Variants in MAGI1 observed in about 807,000 individuals in gnomAD.
MAGI1 encodes the protein membrane associated guanylate kinase, WW and PDZ domain containing 1.
MAGI1 carries 58 observed loss-of-function variants against 139.9 expected under a neutral mutation model. The ratio of observed to expected loss-of-function variants is 0.41; its 90% CI spans 0.34 to 0.52. The LOEUF (loss-of-function observed/expected upper bound fraction) is 0.52, where lower values mean the gene tolerates loss of function less well. Among genes scored for constraint, MAGI1 ranks in the 20% least tolerant of loss-of-function variants. The probability of loss-of-function intolerance (pLI) is 0.12; values close to 1 mark genes in which losing one functional copy is unlikely to be tolerated. For synonymous variants in MAGI1, 812 were observed against 737.9 expected, an observed-to-expected ratio of 1.10 and a Z score of -1.63; for missense variants, 1,874 against 1,901.6, an observed-to-expected ratio of 0.99 and a Z score of 0.27.
At chr3:65,814,944 G>C (rs2041506721) in intron 1 of MAGI1, among the ~76,000 whole-genome samples, 1 of 152,160 alleles carries the variant, frequency 6.6e-6, no homozygotes, top group African/African-American at 2.4e-5. Flanking sequence ...GAGAGGAAAA[G>C]GATGAATGAA....
At chr3:65,467,392 C>T (rs929023076) in intron 5 of MAGI1, among the ~76,000 whole-genome samples, 8 of 151,934 alleles carry the variant, frequency 5.3e-5, no homozygotes, top group Admixed American at 2.0e-4. Flanking sequence ...AGAAGTGTTT[C>T]GGAATGAAAA....
At chr3:65,503,899 C>T (rs1360414146) in intron 2 of MAGI1, among the ~76,000 whole-genome samples, 1 of 152,146 alleles carries the variant, frequency 6.6e-6, no homozygotes, top group Non-Finnish European at 1.5e-5. Context: ...CTATTCAAAC[C>T]GTCCATGTAT....
intron 4 of MAGI1, among the ~76,000 whole-genome samples, chr3:65,476,674 C>T (rs1950910018): frequency 6.6e-6 from 1 of 152,150 alleles, no homozygotes; most frequent in Admixed American, 6.5e-5. Flanking sequence ...ACTGTTTTGC[C>T]GCACACTACC....
chr3:65,901,698 G>T (rs948788301), intron 1 of MAGI1, among the ~76,000 whole-genome samples: 12 of 152,046 alleles, frequency 7.9e-5, no homozygotes, highest in African/African-American at 2.9e-4. Context: ...GTTATATCGG[G>T]GCTCTGGTCC....
intron 1 of MAGI1, among the ~76,000 whole-genome samples, chr3:65,920,111 T>C (rs1228566499): frequency 6.6e-6 from 1 of 152,198 alleles, no homozygotes; most frequent in Non-Finnish European, 1.5e-5. Flanking sequence ...TTAGGGAGTT[T>C]TGCACATCAC....
At chr3:65,470,816 AAACACAG>A (rs1316927888) in intron 4 of MAGI1, among the ~76,000 whole-genome samples, 1 of 152,246 alleles carries the variant, frequency 6.6e-6, no homozygotes, top group Non-Finnish European at 1.5e-5. Flanking sequence ...AAGGCCATCA[AAACACAG>A]ATGGATCTGC....
chr3:65,926,413 C>T (rs1335425836), intron 1 of MAGI1, among the ~76,000 whole-genome samples: 1 of 148,868 alleles, frequency 6.7e-6, no homozygotes, highest in Non-Finnish European at 1.5e-5. Flanking sequence ...GGGGTTGGAA[C>T]AGAGCAACTC....
At chr3:65,453,206 A>G (rs903787830) in intron 6 of MAGI1, 52 bp downstream of exon 6, 4 of 1,523,316 alleles carry the variant, frequency 2.6e-6, no homozygotes, top group Non-Finnish European at 3.6e-6. Flanking sequence ...AAATTTGCAC[A>G]TGTGAACAGT....
At chr3:66,012,524 G>C (rs2067375585) in intron 1 of MAGI1, among the ~76,000 whole-genome samples, 1 of 152,116 alleles carries the variant, frequency 6.6e-6, no homozygotes, top group Non-Finnish European at 1.5e-5. Flanking sequence ...ACAACCATTT[G>C]GGAGCCTGAG....
chr3:65,832,720 C>T (rs2042594520), intron 1 of MAGI1, among the ~76,000 whole-genome samples: 1 of 152,106 alleles, frequency 6.6e-6, no homozygotes, highest in Non-Finnish European at 1.5e-5. Flanking sequence ...TCCAGGCATA[C>T]AAGAGATATT....
At chr3:65,778,619 C>T (rs1416487134) in intron 1 of MAGI1, among the ~76,000 whole-genome samples, 1 of 152,038 alleles carries the variant, frequency 6.6e-6, no homozygotes, top group African/African-American at 2.4e-5. Context: ...GAGGAAACAG[C>T]AGTTAAGCAA....
At chr3:65,690,152 G>C (rs2088444906) in intron 1 of MAGI1, among the ~76,000 whole-genome samples, 1 of 151,500 alleles carries the variant, frequency 6.6e-6, no homozygotes, top group African/African-American at 2.4e-5. Context: ...TGGAAGGATA[G>C]GAAATAAAGG....
At chr3:65,393,866 T>C (rs996399992) in intron 13 of MAGI1, among the ~76,000 whole-genome samples, 2 of 152,224 alleles carry the variant, frequency 1.3e-5, no homozygotes, top group African/African-American at 2.4e-5. Context: ...TGGCAGTTTC[T>C]GTTCCATTGT....
rs1576508398 is a variant in MAGI1, at chr3:65,622,075, G to C, written c.327C>G (p.Asn109Lys). ...GATTGAGAAAATGTCGCAGGTCCTT[G>C]TTCAGCCTTCCTCCTGCAGGAAATA... is the stretch of plus-strand genomic sequence containing the variant. ...FKAVRQGGRL[N>K]KDLRHFLNQR... The change falls in exon 2 of 23, where the codon AAC becomes AAG. Residue 109 changes from asparagine to lysine, a missense_variant. By Grantham distance (94) the Asn-to-Lys change is moderately conservative (BLOSUM62 0). Coordinates refer to ENST00000402939, the MANE Select transcript of MAGI1 (RefSeq NM_001033057.2). 1 of 1,612,980 alleles carries C rather than the reference G, an allele frequency of 6.2e-7. No individual in the cohort carries two copies. The highest frequency in any genetic ancestry group is 8.5e-7 in the Non-Finnish European group (1 of 1,179,018).
intron 1 of MAGI1, among the ~76,000 whole-genome samples, chr3:65,783,658 C>A (rs2039123643): frequency 6.6e-6 from 1 of 151,868 alleles, no homozygotes; most frequent in African/African-American, 2.4e-5. Context: ...CCATGCCCAG[C>A]TAATTTTTTT....
intron 1 of MAGI1, among the ~76,000 whole-genome samples, chr3:65,872,471 C>T (rs1490941780): frequency 2.0e-5 from 3 of 152,144 alleles, no homozygotes; most frequent in Non-Finnish European, 4.4e-5. Context: ...CCTGCACACA[C>T]TGGAGGCCAC....
intron 8 of MAGI1, among the ~76,000 whole-genome samples, chr3:65,441,563 A>C (rs890110242): frequency 6.6e-6 from 1 of 152,210 alleles, no homozygotes. Flanking sequence ...CTTCACCCAT[A>C]AAAGCTTTTG....
In MAGI1 at chr3:65,790,560, G is replaced by A. The variant is rs188390040; in HGVS notation, c.314-168472C>T. Among the ~76,000 whole-genome samples the A allele has an allele frequency of 1.9e-3, 285 of 152,200 alleles. 2 individuals carry two copies. The highest frequency in any genetic ancestry group is 6.5e-3 in the African/African-American group (271 of 41,538). The stretch of plus-strand genomic sequence containing the variant: ...ATGGTTAGGCAGAAGACAAAAAGAC[G>A]GCCTATTTTTCCTACAACACAGAGT... On this transcript the variant is annotated intron_variant, in intron 1 of 22. Coordinates refer to ENST00000402939, the MANE Select transcript of MAGI1 (RefSeq NM_001033057.2).
chr3:65,443,565 T>C (rs1575765681), intron 7 of MAGI1, among the ~76,000 whole-genome samples: 1 of 152,214 alleles, frequency 6.6e-6, no homozygotes, highest in Admixed American at 6.5e-5. Flanking sequence ...TAAGGTTTCA[T>C]ATCAAAGGCC....
Sources: allele counts gnomAD v4.1 joint callset (sites outside exome capture counted in the v4.1 genomes callset), GRCh38; gene constraint gnomAD v4.1.1; transcripts MANE v1.5; gene names NCBI Gene and HGNC (gene_info 2026-07-23, HGNC 2026-07-21).